Variants in GALNT2 observed in about 807,000 individuals in gnomAD.
GALNT2 encodes polypeptide N-acetylgalactosaminyltransferase 2.
Under a neutral mutation model 81.4 loss-of-function variants are expected in GALNT2, and 31 were observed. The ratio of observed to expected loss-of-function variants is 0.38; its 90% CI spans 0.29 to 0.51. GALNT2 has a LOEUF of 0.51. Among genes scored for constraint, GALNT2 ranks in the 20% least tolerant of loss-of-function variants. GALNT2 has a pLI of 0.87. For synonymous variants in GALNT2, 303 were observed against 287.4 expected, an observed-to-expected ratio of 1.05 and a Z score of -0.55; for missense variants, 629 against 765.7, an observed-to-expected ratio of 0.82 and a Z score of 2.11.
At chr1:230,240,369 G>T (rs982874699) in intron 6 of GALNT2, among the ~76,000 whole-genome samples, 4 of 152,164 alleles carry the variant, frequency 2.6e-5, no homozygotes, top group African/African-American at 9.7e-5. Flanking sequence ...CGAGGTGGGC[G>T]GATCACGAGG....
intron 2 of GALNT2, among the ~76,000 whole-genome samples, chr1:230,197,659 C>T (rs928948318): frequency 1.3e-5 from 2 of 152,152 alleles, no homozygotes; most frequent in Admixed American, 1.3e-4. Context: ...ATAACAACCC[C>T]AGAAGTGGAA....
At chr1:230,191,219 C>T (rs1466879738) in intron 2 of GALNT2, among the ~76,000 whole-genome samples, 1 of 152,164 alleles carries the variant, frequency 6.6e-6, no homozygotes, top group Non-Finnish European at 1.5e-5. Flanking sequence ...GGGCTCCCAC[C>T]CCATAGCTGA....
intron 2 of GALNT2, among the ~76,000 whole-genome samples, chr1:230,194,611 G>A (rs1663629724): frequency 6.6e-6 from 1 of 152,220 alleles, no homozygotes; most frequent in Non-Finnish European, 1.5e-5. Flanking sequence ...CTTGCGGTTA[G>A]CCCAGCCCTT....
intron 2 of GALNT2, among the ~76,000 whole-genome samples, chr1:230,188,139 G>A (rs1247922210): frequency 6.6e-6 from 1 of 152,124 alleles, no homozygotes. Context: ...TATTATAAAG[G>A]ATGAGGAAAA....
intron 1 of GALNT2, among the ~76,000 whole-genome samples, chr1:230,164,333 C>A (rs56200521): frequency 6.6e-6 from 1 of 152,132 alleles, no homozygotes. Context: ...TGTCAGCACC[C>A]GAGTTCCCTG....
At chr1:230,224,941 A>G (rs1300023802) in intron 3 of GALNT2, among the ~76,000 whole-genome samples, 1 of 152,262 alleles carries the variant, frequency 6.6e-6, no homozygotes, top group East Asian at 1.9e-4. Context: ...TTAGACGAAT[A>G]ATTTCGAAGT....
intron 1 of GALNT2, among the ~76,000 whole-genome samples, chr1:230,170,063 A>T (rs1213190060): frequency 6.6e-6 from 1 of 152,092 alleles, no homozygotes; most frequent in Non-Finnish European, 1.5e-5. Context: ...GGAAATCCAA[A>T]ACTTGGCCTT....
At position 230,187,313 on chromosome 1, in the gene GALNT2, C is replaced by T. The variant is rs80010950; in HGVS notation, c.220+9002C>T. Among the ~76,000 whole-genome samples, 957 of 152,334 alleles carry T rather than the reference C, an allele frequency of 6.3e-3. 11 individuals are homozygous for T. The highest frequency in any genetic ancestry group is 0.022 in the African/African-American group (894 of 41,578). ...TACTTAGGAATTACATGCATATTGC[C>T]GTACAGATTTATTGATACATTCTAA... On this transcript the variant is annotated intron_variant, in intron 2 of 15. Transcript: ENST00000366672.
chr1:230,188,540 T>G (rs1224901173), intron 2 of GALNT2, among the ~76,000 whole-genome samples: 1 of 152,264 alleles, frequency 6.6e-6, no homozygotes, highest in East Asian at 1.9e-4. Flanking sequence ...GCTCTAAAAC[T>G]CTTTGATTCT....
rs1434723096 is a variant in GALNT2, at chr1:230,092,186, T to TTTTTTTTTTTTG, written c.126+24790_126+24791insTGTTTTTTTTTT. Among the ~76,000 whole-genome samples, 29 of 6,810 alleles carry TTTTTTTTTTTTG rather than the reference T, an allele frequency of 4.3e-3. 1 individual carries two copies. Among genetic ancestry groups the TTTTTTTTTTTTG allele is most frequent in the African/African-American group, 0.024 (9 of 380 alleles). 4.5% of individuals were successfully genotyped at this position (6,810 alleles called of 152,430 possible). On this transcript the variant is annotated intron_variant, in intron 1 of 15. Coordinates refer to ENST00000366672, the MANE Select transcript of GALNT2 (RefSeq NM_004481.5). ...CCTTATATTCCTTTAGTTTTTTTTT[T>TTTTTTTTTTTTG]TTTTTTTTTTGCACTGATCTTTCTG...
chr1:230,162,561 C>G (rs1662468044), intron 1 of GALNT2, among the ~76,000 whole-genome samples: 1 of 152,212 alleles, frequency 6.6e-6, no homozygotes, highest in Admixed American at 6.5e-5. Context: ...AAGCTAGAAT[C>G]CCTCTTCCCT....
At chr1:230,077,361 C>T (rs1659595824) in intron 1 of GALNT2, among the ~76,000 whole-genome samples, 1 of 152,208 alleles carries the variant, frequency 6.6e-6, no homozygotes, top group South Asian at 2.1e-4. Context: ...TTGATCATCA[C>T]TAATTTCCCC....
chr1:230,198,226 T>G (rs1663767110), intron 2 of GALNT2, among the ~76,000 whole-genome samples: 1 of 152,182 alleles, frequency 6.6e-6, no homozygotes, highest in Admixed American at 6.5e-5. Context: ...GCTGAGGTGC[T>G]GCGGGCGAGG....
intron 2 of GALNT2, among the ~76,000 whole-genome samples, chr1:230,200,354 C>A (rs568082171): frequency 1.4e-4 from 22 of 152,274 alleles, no homozygotes; most frequent in Admixed American, 1.1e-3. Flanking sequence ...TGAGCCAGTG[C>A]GCCCGGCCTA....
At chr1:230,097,394 C>T (rs1270189910) in intron 1 of GALNT2, among the ~76,000 whole-genome samples, 2 of 152,180 alleles carry the variant, frequency 1.3e-5, no homozygotes, top group Non-Finnish European at 2.9e-5. Context: ...CCATTAAACA[C>T]AACTCCCACT....
At chr1:230,175,991 A>C (rs1558125025) in intron 1 of GALNT2, among the ~76,000 whole-genome samples, 1 of 152,114 alleles carries the variant, frequency 6.6e-6, no homozygotes, top group Non-Finnish European at 1.5e-5. Context: ...AGGAATTATA[A>C]AATGCAGGAA....
At chr1:230,068,450 C>T (rs1233225900) in intron 1 of GALNT2, among the ~76,000 whole-genome samples, 3 of 152,214 alleles carry the variant, frequency 2.0e-5, no homozygotes, top group African/African-American at 7.2e-5. Context: ...TTTCCGAATT[C>T]CTGTAACCCT....
chr1:230,222,690 A>T, intron 3 of GALNT2, among the ~76,000 whole-genome samples: 1 of 151,970 alleles, frequency 6.6e-6, no homozygotes, highest in Non-Finnish European at 1.5e-5. Flanking sequence ...TATTTTGCAT[A>T]TATGGAGGGT....
chr1:230,245,185 T>C (rs1442344900), intron 7 of GALNT2, among the ~76,000 whole-genome samples: 1 of 151,938 alleles, frequency 6.6e-6, no homozygotes, highest in Non-Finnish European at 1.5e-5. Flanking sequence ...TCACAGGGGC[T>C]GGACGCAGTG....
Sources: gnomAD v4.1 joint callset for allele counts (sites outside exome capture counted in the v4.1 genomes callset) on GRCh38, gnomAD v4.1.1 for gene constraint, MANE v1.5 for transcripts, NCBI Gene and HGNC (gene_info 2026-07-23, HGNC 2026-07-21) for gene names.